ABLIM1: variants seen among roughly 807,000 people sequenced by gnomAD.
ABLIM1 encodes actin-binding LIM protein 1.
A neutral mutation model predicts 107.0 loss-of-function variants in ABLIM1; 40 were observed. That is an observed-to-expected ratio of 0.37 (90% CI 0.29 to 0.49). The LOEUF (loss-of-function observed/expected upper bound fraction) is 0.49, where lower values mean the gene tolerates loss of function less well. Among genes scored for constraint, ABLIM1 ranks in the 20% least tolerant of loss-of-function variants. The pLI, the probability that ABLIM1 is intolerant of heterozygous loss-of-function variation, is 0.97. For missense variants in ABLIM1, 857 were observed against 1,008.5 expected (o/e 0.85, Z 2.04); for synonymous variants, 357 against 357.3 (o/e 1.00, Z 0.01).
chr10:114,500,781 G>GGGAAGGGAAGGGAAGGGAAA (rs1565644170), intron 6 of ABLIM1, among the ~76,000 whole-genome samples: 40 of 145,358 alleles, frequency 2.8e-4, no homozygotes, highest in Middle Eastern at 7.0e-3. Context: ...GGGAAGGGAA[G>GGGAAGGGAAGGGAAGGGAAA]GGAAGGGAAG....
chr10:114,535,115 T>C (rs979820592), intron 6 of ABLIM1, among the ~76,000 whole-genome samples: 1 of 152,212 alleles, frequency 6.6e-6, no homozygotes, highest in African/African-American at 2.4e-5. Context: ...TCTTCTCCAG[T>C]AAAGTGTTGC....
intron 6 of ABLIM1, among the ~76,000 whole-genome samples, chr10:114,519,767 C>A (rs1446641724): frequency 6.6e-6 from 1 of 152,170 alleles, no homozygotes; most frequent in Non-Finnish European, 1.5e-5. Context: ...CATGGTTGAG[C>A]ACTTCTCACT....
chr10:114,594,332 T>C (rs974903824), intron 2 of ABLIM1, among the ~76,000 whole-genome samples: 1 of 152,240 alleles, frequency 6.6e-6, no homozygotes, highest in Non-Finnish European at 1.5e-5. Context: ...CTCAGTCATC[T>C]GTGATAGATA....
In ABLIM1 at chr10:114,514,873, C is replaced by T. The variant is rs535252628; in HGVS notation, c.895-22995G>A. Among the ~76,000 whole-genome samples, 11 of 152,268 alleles carry T rather than the reference C, an allele frequency of 7.2e-5. No homozygotes were observed. The South Asian group carries it at 2.1e-3, about 29-fold the overall frequency. Reference sequence around the variant, plus strand: ...TGAAAACTAAAAAAGAGAGGAAAAGCGCCTGTCATTGAGACCTACCCACCA... The same window carrying T: ...TGAAAACTAAAAAAGAGAGGAAAAGTGCCTGTCATTGAGACCTACCCACCA... On this transcript the variant is annotated intron_variant, in intron 6 of 22. Coordinates refer to ENST00000533213, the MANE Select transcript of ABLIM1 (RefSeq NM_002313.7).
At chr10:114,540,851 C>G (rs914938) in intron 6 of ABLIM1, among the ~76,000 whole-genome samples, 143,151 of 152,218 alleles carry the variant, frequency 0.94, 67,334 homozygotes, top group African/African-American at 0.96. Flanking sequence ...ACTCAAGCAG[C>G]TTGAATGGTG....
In ABLIM1 at chr10:114,591,036, A is replaced by G. The variant is rs2074815552; in HGVS notation, c.379+10791T>C. Among the ~76,000 whole-genome samples the G allele has an allele frequency of 1.3e-5, 2 of 152,180 alleles. 1 individual carries two copies. The highest frequency in any genetic ancestry group is 3.8e-4 in the East Asian group (2 of 5,196). The stretch of plus-strand genomic sequence containing the variant: ...TCTTACATCACACTTTTCAACTACA[A>G]TACAAATTTCACTAATTCAATCTAA... On this transcript the variant is annotated intron_variant, in intron 2 of 22. Coordinates refer to ENST00000533213, the MANE Select transcript of ABLIM1 (RefSeq NM_002313.7).
chr10:114,507,758 G>A (rs1428362313), intron 6 of ABLIM1, among the ~76,000 whole-genome samples: 2 of 152,210 alleles, frequency 1.3e-5, no homozygotes, highest in Admixed American at 6.5e-5. Flanking sequence ...TATATCAACA[G>A]GTGATTTGTG....
the ABLIM1 span, among the ~76,000 whole-genome samples, chr10:114,788,201 G>A: frequency 6.6e-6 from 1 of 150,424 alleles, no homozygotes; most frequent in African/African-American, 2.4e-5. Context: ...GCGGAAGGCT[G>A]CAGGGTCCTC....
At chr10:114,738,566 T>C (rs557874650) in intron 1 of ABLIM1, among the ~76,000 whole-genome samples, 12 of 152,304 alleles carry the variant, frequency 7.9e-5, no homozygotes, top group Non-Finnish European at 1.2e-4. Context: ...CTTACTCTCA[T>C]GCTTTAAAAA....
chr10:114,591,256 C>T (rs2074838725), intron 2 of ABLIM1, among the ~76,000 whole-genome samples: 1 of 152,020 alleles, frequency 6.6e-6, no homozygotes, highest in Non-Finnish European at 1.5e-5. Flanking sequence ...TTGGAATTTC[C>T]CAGTTTCACT....
chr10:114,784,349 AAAAG>A, the ABLIM1 span, among the ~76,000 whole-genome samples: 33,246 of 131,716 alleles, frequency 0.25, 4,475 homozygotes, highest in East Asian at 0.43. Context: ...CTGTCTCAAA[AAAAG>A]AAAGAAAGAA....
chr10:114,665,307 G>C lies in ABLIM1; in HGVS notation c.64+18983C>G, dbSNP rs1489556576. On this transcript the variant is annotated intron_variant, in intron 1 of 23. Transcript: ENST00000369256. ...GCACTCTGATTTTTTGAAAGAGCATGACAGGGAAAGATTAAGTCACCCTGG... is the reference window on the plus strand; with the variant it reads ...GCACTCTGATTTTTTGAAAGAGCATCACAGGGAAAGATTAAGTCACCCTGG... 5.3e-5 allele frequency among the ~76,000 whole-genome samples: 8 copies of C among 152,302 alleles called. No homozygotes were observed. In the East Asian group the frequency reaches 1.5e-3, roughly 29 times the overall value.
chr10:114,583,266 A>C (rs1282514079), intron 2 of ABLIM1, among the ~76,000 whole-genome samples: 1 of 151,024 alleles, frequency 6.6e-6, no homozygotes, highest in African/African-American at 2.4e-5. Flanking sequence ...CAACATCACT[A>C]ATCATCAGAG....
chr10:114,524,632 G>C (rs539159237), intron 6 of ABLIM1, among the ~76,000 whole-genome samples: 3 of 152,194 alleles, frequency 2.0e-5, no homozygotes, highest in Admixed American at 6.5e-5. Context: ...AAAAGTATGG[G>C]TAACTATTTG....
At chr10:114,458,117 C>T (rs562682971) in intron 12 of ABLIM1, among the ~76,000 whole-genome samples, 64 of 138,888 alleles carry the variant, frequency 4.6e-4, no homozygotes, top group African/African-American at 1.1e-3. Context: ...TGTGTGTGTG[C>T]GCACATAATA....
chr10:114,528,041 T>C (rs2065040366), intron 6 of ABLIM1, among the ~76,000 whole-genome samples: 1 of 152,050 alleles, frequency 6.6e-6, no homozygotes, highest in Admixed American at 6.6e-5. Context: ...TTTCACCACA[T>C]TGGCCAGGAT....
At position 114,601,994 on chromosome 10, in the gene ABLIM1, T is replaced by C. The variant is rs78637637; in HGVS notation, c.245-33A>G. ...AAAATCAACAAAAGATCCAGGTGAG[T>C]AGAGAGCATTCCTGCAAAAGGGGTC... On this transcript the variant is annotated intron_variant, in intron 1 of 22. Coordinates refer to ENST00000533213, the MANE Select transcript of ABLIM1 (RefSeq NM_002313.7). 920 of 1,610,888 alleles carry C rather than the reference T, an allele frequency of 5.7e-4. 4 individuals carry two copies. The African/African-American group carries it at 0.011, about 20-fold the overall frequency.
intron 1 of ABLIM1, among the ~76,000 whole-genome samples, chr10:114,648,822 T>C (rs1490997606): frequency 6.6e-6 from 1 of 151,992 alleles, no homozygotes. Context: ...AACAAACAGA[T>C]ACAAATAGCC....
At chr10:114,603,626 C>T (rs541193567) in intron 1 of ABLIM1, among the ~76,000 whole-genome samples, 8 of 151,150 alleles carry the variant, frequency 5.3e-5, no homozygotes, top group Non-Finnish European at 7.4e-5. Flanking sequence ...AAAAACCTAT[C>T]CCTTGCACAT....
Sources: allele counts gnomAD v4.1 joint callset (sites outside exome capture counted in the v4.1 genomes callset), GRCh38; gene constraint gnomAD v4.1.1; transcripts MANE v1.5; gene names NCBI Gene and HGNC (gene_info 2026-07-23, HGNC 2026-07-21).